Variants in SPATA13 observed in about 807,000 individuals in gnomAD.
The protein encoded by SPATA13 is spermatogenesis-associated protein 13.
Under a neutral mutation model 104.0 loss-of-function variants are expected in SPATA13, and 50 were observed. The observed-to-expected ratio is 0.48, with a 90% CI of 0.38 to 0.61. The LOEUF is 0.61. SPATA13 is among the 20% of genes least tolerant of loss of function. The pLI, the probability that SPATA13 is intolerant of heterozygous loss-of-function variation, is 0.00. For synonymous variants in SPATA13, 606 were observed against 667.5 expected (o/e 0.91, Z 1.42); for missense variants, 1,524 against 1,690.6 (o/e 0.90, Z 1.73).
intron 3 of SPATA13, among the ~76,000 whole-genome samples, chr13:24,154,959 GT>G (rs1172639213): frequency 2.0e-4 from 30 of 152,198 alleles, no homozygotes; most frequent in African/African-American, 7.2e-4. Flanking sequence ...CCAGGTTCAA[GT>G]GATTCTCATG....
At chr13:23,981,675 T>G (rs982759100) in intron 1 of SPATA13, among the ~76,000 whole-genome samples, 28 of 152,180 alleles carry the variant, frequency 1.8e-4, no homozygotes, top group African/African-American at 6.8e-4. Flanking sequence ...TTGGACCCAT[T>G]TAAAATAGAA....
At chr13:24,144,766 G>A (rs557503232) in intron 3 of SPATA13, among the ~76,000 whole-genome samples, 1 of 152,238 alleles carries the variant, frequency 6.6e-6, no homozygotes, top group East Asian at 1.9e-4. Flanking sequence ...GCAGAGACTA[G>A]GGTTCCAGGT....
At chr13:24,201,903 T>C (rs1485235430) in intron 1 of SPATA13, among the ~76,000 whole-genome samples, 3 of 152,184 alleles carry the variant, frequency 2.0e-5, no homozygotes, top group Non-Finnish European at 4.4e-5. Context: ...ATCTTTTTAG[T>C]CTCCATAGTT....
intron 1 of SPATA13, among the ~76,000 whole-genome samples, chr13:24,206,252 T>G (rs1870691469): frequency 6.8e-6 from 1 of 147,552 alleles, no homozygotes; most frequent in East Asian, 2.0e-4. Flanking sequence ...CATTAAAAAG[T>G]GGGAAAAGGA....
chr13:24,018,756 T>G (rs1437124206), intron 3 of SPATA13, among the ~76,000 whole-genome samples: 1 of 152,204 alleles, frequency 6.6e-6, no homozygotes, highest in Admixed American at 6.5e-5. Context: ...TTTTTTGAAA[T>G]TTTTAACTAT....
At chr13:24,202,483 T>C (rs1044824631) in intron 1 of SPATA13, among the ~76,000 whole-genome samples, 2 of 150,836 alleles carry the variant, frequency 1.3e-5, no homozygotes, top group Non-Finnish European at 2.9e-5. Context: ...TGGATGCCAG[T>C]GTTGGCCTCA....
chr13:24,138,663 A>G (rs1881652853), intron 3 of SPATA13, among the ~76,000 whole-genome samples: 1 of 151,916 alleles, frequency 6.6e-6, no homozygotes, highest in African/African-American at 2.4e-5. Flanking sequence ...AGCTCACTGC[A>G]GCCTTGAACT....
intron 3 of SPATA13, among the ~76,000 whole-genome samples, chr13:24,074,321 C>T (rs1879255325): frequency 6.6e-6 from 1 of 152,202 alleles, no homozygotes; most frequent in Non-Finnish European, 1.5e-5. Flanking sequence ...CACGTGGTAG[C>T]ATGTGCTAGG....
chr13:24,072,724 T>G (rs1879207707), intron 3 of SPATA13, among the ~76,000 whole-genome samples: 1 of 152,098 alleles, frequency 6.6e-6, no homozygotes, highest in Non-Finnish European at 1.5e-5. Flanking sequence ...TCATCACTTC[T>G]GTGCACCTAC....
chr13:24,255,317 A>T (rs1370565601), intron 4 of SPATA13, among the ~76,000 whole-genome samples: 1 of 151,976 alleles, frequency 6.6e-6, no homozygotes, highest in African/African-American at 2.4e-5. Flanking sequence ...TGAGTCTGGG[A>T]GTTGAGTGAG....
intron 3 of SPATA13, among the ~76,000 whole-genome samples, chr13:24,032,266 C>T (rs1877510103): frequency 6.6e-6 from 1 of 152,222 alleles, no homozygotes; most frequent in Non-Finnish European, 1.5e-5. Flanking sequence ...TCCCACTTGC[C>T]CATGCTGTAT....
rs556205817 is a variant in SPATA13, at chr13:24,005,076, A to C, written c.-146-12591A>C. 1.9e-3 allele frequency among the ~76,000 whole-genome samples: 289 copies of C among 152,304 alleles called. 1 individual carries two copies. The highest frequency in any genetic ancestry group is 3.4e-3 in the Middle Eastern group (1 of 294). On this transcript the variant is annotated intron_variant, in intron 2 of 14. Coordinates refer to the SPATA13 transcript ENST00000424834. ...CATTGCTTTCCATTTTAAAAGAGCT[A>C]AGAGTTTCTCAAAGTAAGTACTTTT...
chr13:24,246,070 C>T (rs769729465), intron 2 of SPATA13, among the ~76,000 whole-genome samples: 2 of 152,162 alleles, frequency 1.3e-5, no homozygotes, highest in East Asian at 3.9e-4. Context: ...AGGCAGGGTG[C>T]GTGTCACGTA....
chr13:24,259,746 T>A (rs904351791), intron 4 of SPATA13, among the ~76,000 whole-genome samples: 6 of 152,198 alleles, frequency 3.9e-5, no homozygotes, highest in African/African-American at 1.4e-4. Context: ...CAACCAGTAT[T>A]GTCTCAGGAA....
At chr13:24,229,873 A>G (rs1038375448) in intron 2 of SPATA13, among the ~76,000 whole-genome samples, 7 of 152,236 alleles carry the variant, frequency 4.6e-5, no homozygotes, top group African/African-American at 1.7e-4. Flanking sequence ...GCCCAGATAC[A>G]CTTAAAACAT....
chr13:24,165,827 A>T (rs907863060), intron 1 of SPATA13, among the ~76,000 whole-genome samples: 2 of 152,232 alleles, frequency 1.3e-5, no homozygotes, highest in Admixed American at 1.3e-4. Context: ...GTCTCATTAC[A>T]CAGGATTCTT....
At chr13:24,238,975 C>T (rs1186699968) in intron 2 of SPATA13, among the ~76,000 whole-genome samples, 2 of 152,110 alleles carry the variant, frequency 1.3e-5, no homozygotes, top group East Asian at 3.9e-4. Context: ...CCATGTGGCC[C>T]GAGTGTCTGT....
At position 24,007,721 on chromosome 13, in the gene SPATA13, G is replaced by A. The variant is rs1876295500; in HGVS notation, c.-146-9946G>A. On this transcript the variant is annotated intron_variant, in intron 2 of 14. Transcript: ENST00000424834. ...GGTCTCAAGTGATCCATCCATCTTG[G>A]CCTCCCAAAGTGCTGGGATCACAGG... is the stretch of plus-strand genomic sequence containing the variant. Among the ~76,000 whole-genome samples the A allele has an allele frequency of 2.0e-5, 3 of 152,174 alleles. 1 individual carries two copies. In the South Asian group the frequency reaches 6.2e-4, roughly 32 times the overall value.
intron 1 of SPATA13, among the ~76,000 whole-genome samples, chr13:24,181,681 G>T (rs1431839818): frequency 1.3e-5 from 2 of 151,740 alleles, no homozygotes; most frequent in Non-Finnish European, 2.9e-5. Context: ...AACACGCATA[G>T]AGCTGTCATC....
Sources: gnomAD v4.1 joint callset for allele counts (sites outside exome capture counted in the v4.1 genomes callset) on GRCh38, gnomAD v4.1.1 for gene constraint, MANE v1.5 for transcripts, NCBI Gene and HGNC (gene_info 2026-07-23, HGNC 2026-07-21) for gene names.